The following SLC17A1 variants were observed in gnomAD, a reference collection of about 807,000 sequenced individuals.
SLC17A1 encodes solute carrier family 17 member 1, also known as sodium-dependent phosphate transport protein 1.
A neutral mutation model predicts 53.5 loss-of-function variants in SLC17A1; 51 were observed. That is an observed-to-expected ratio of 0.95 (90% CI 0.76 to 1.20). The LOEUF (loss-of-function observed/expected upper bound fraction) is 1.20. SLC17A1 is among the 50% of genes most tolerant of loss of function. The probability of loss-of-function intolerance (pLI) is 0.00; values close to 1 mark genes in which losing one functional copy is unlikely to be tolerated. For synonymous variants in SLC17A1, 179 were observed against 198.8 expected, an observed-to-expected ratio of 0.90 and a Z score of 0.84; for missense variants, 538 against 568.2, an observed-to-expected ratio of 0.95 and a Z score of 0.54.
the SLC17A1 span, chr6:25,726,171 C>A: frequency 6.3e-7 from 1 of 1,579,348 alleles, no homozygotes; most frequent in Non-Finnish European, 8.6e-7. Flanking sequence ...TCTCAGTCTT[C>A]TTGGGCAGCA....
chr6:25,742,932 A>G, the SLC17A1 span, among the ~76,000 whole-genome samples: 3 of 152,224 alleles, frequency 2.0e-5, no homozygotes, highest in Non-Finnish European at 4.4e-5. Flanking sequence ...ATACAACTCC[A>G]CATATATGAA....
the SLC17A1 span, chr6:25,771,109 C>T: frequency 5.9e-6 from 6 of 1,010,660 alleles, no homozygotes; most frequent in African/African-American, 1.6e-5. Context: ...TGGATATTTA[C>T]ATAGCTAAAG....
At chr6:25,749,371 T>C in the SLC17A1 span, among the ~76,000 whole-genome samples, 41,356 of 152,184 alleles carry the variant, frequency 0.27, 6,839 homozygotes, top group East Asian at 0.7. Context: ...ATTAACAGCA[T>C]CTCAGGGCAA....
At chr6:25,765,242 TTA>T in the SLC17A1 span, among the ~76,000 whole-genome samples, 8 of 152,248 alleles carry the variant, frequency 5.3e-5, no homozygotes, top group Non-Finnish European at 8.8e-5. Flanking sequence ...TAACAGTTCA[TTA>T]TATAGCTGTC....
At chr6:25,725,276 G>GTATC in the SLC17A1 span, among the ~76,000 whole-genome samples, 1 of 152,040 alleles carries the variant, frequency 6.6e-6, no homozygotes, top group African/African-American at 2.4e-5. Flanking sequence ...TCTAACACTA[G>GTATC]TATCTCACCA....
chr6:25,773,371 T>C, the SLC17A1 span: 7 of 1,613,718 alleles, frequency 4.3e-6, no homozygotes, highest in Non-Finnish European at 5.9e-6. Context: ...AAGAGATACA[T>C]TGTGTGTTCA....
At chr6:25,777,578 A>G in the SLC17A1 span, 1 of 178,062 alleles carries the variant, frequency 5.6e-6, no homozygotes, top group East Asian at 1.4e-4. Context: ...AACAACAACA[A>G]CAACAACAAC....
chr6:25,794,517 C>G (rs1763564744), intron 12 of SLC17A1, among the ~76,000 whole-genome samples: 1 of 152,082 alleles, frequency 6.6e-6, no homozygotes, highest in Admixed American at 6.6e-5. Flanking sequence ...GCTATTGTCC[C>G]TAGGATCCAC....
the SLC17A1 span, chr6:25,770,191 T>C: frequency 1.9e-6 from 3 of 1,614,092 alleles, no homozygotes; most frequent in South Asian, 1.1e-5. Flanking sequence ...AAGTATGTGG[T>C]TGGTGCTGGC....
chr6:25,767,786 G>C, the SLC17A1 span, among the ~76,000 whole-genome samples: 1 of 152,124 alleles, frequency 6.6e-6, no homozygotes, highest in Non-Finnish European at 1.5e-5. Context: ...TTACCCAGGA[G>C]AATGAAATAC....
At chr6:25,735,747 T>C in the SLC17A1 span, among the ~76,000 whole-genome samples, 1 of 152,210 alleles carries the variant, frequency 6.6e-6, no homozygotes, top group East Asian at 1.9e-4. Context: ...TATTGTTTTA[T>C]TGTATGTTCT....
At chr6:25,762,063 T>G in the SLC17A1 span, 1 of 1,610,202 alleles carries the variant, frequency 6.2e-7, no homozygotes, top group Non-Finnish European at 8.5e-7. Flanking sequence ...GGTAAAATCA[T>G]GCACAGTAAT....
At chr6:25,831,025 GCAAAGGTAAAA>G (rs1284569678) in intron 1 of SLC17A1, among the ~76,000 whole-genome samples, 1 of 152,170 alleles carries the variant, frequency 6.6e-6, no homozygotes, top group Non-Finnish European at 1.5e-5. Flanking sequence ...AAAGGAGTAA[GCAAAGGTAAAA>G]CAAATTCCTT....
downstream of SLC17A1, among the ~76,000 whole-genome samples, chr6:25,782,199 A>T (rs1385655311): frequency 6.6e-6 from 1 of 152,054 alleles, no homozygotes; most frequent in African/African-American, 2.4e-5. Context: ...CTTTCTTCCT[A>T]CTTGGAAGGG....
At chr6:25,742,512 C>CAA in the SLC17A1 span, among the ~76,000 whole-genome samples, 12,771 of 126,978 alleles carry the variant, frequency 0.1, 790 homozygotes, top group Middle Eastern at 0.17. Context: ...AAAAACAATA[C>CAA]AAAAAAAAAA....
the SLC17A1 span, chr6:25,725,983 A>G: frequency 1.4e-6 from 1 of 704,326 alleles, no homozygotes; most frequent in Non-Finnish European, 2.3e-6. Flanking sequence ...ATGCGCTTAA[A>G]CGGGCATTTG....
chr6:25,822,112 G>A (rs1163706169), intron 3 of SLC17A1, among the ~76,000 whole-genome samples: 1 of 152,072 alleles, frequency 6.6e-6, no homozygotes, highest in East Asian at 1.9e-4. Flanking sequence ...GATGGAAGAG[G>A]GAAGACTGAC....
the SLC17A1 span, chr6:25,768,995 A>C: frequency 1.9e-6 from 3 of 1,613,900 alleles, no homozygotes; most frequent in Non-Finnish European, 2.5e-6. Flanking sequence ...GTTTTTGTTC[A>C]GTCCGACATG....
At chr6:25,746,755 T>C in the SLC17A1 span, among the ~76,000 whole-genome samples, 2 of 152,228 alleles carry the variant, frequency 1.3e-5, no homozygotes, top group East Asian at 3.8e-4. Flanking sequence ...TGGCACCCTA[T>C]TATTCCTGCC....
Sources: gnomAD v4.1 joint callset for allele counts (sites outside exome capture counted in the v4.1 genomes callset) on GRCh38, gnomAD v4.1.1 for gene constraint, MANE v1.5 for transcripts, NCBI Gene and HGNC (gene_info 2026-07-23, HGNC 2026-07-21) for gene names.